The following VGLL4 variants were observed in gnomAD, a reference collection of about 807,000 sequenced individuals.
The protein encoded by VGLL4 is vestigial like family member 4, also known as transcription cofactor vestigial-like protein 4.
A neutral mutation model predicts 21.0 loss-of-function variants in VGLL4; 7 were observed. The observed-to-expected ratio is 0.33, with a 90% CI of 0.19 to 0.63. The LOEUF is 0.63. Among genes scored for constraint, VGLL4 ranks in the 20% least tolerant of loss-of-function variants. The probability of loss-of-function intolerance (pLI) is 0.78; values close to 1 mark genes in which losing one functional copy is unlikely to be tolerated. For synonymous variants in VGLL4, 222 were observed against 173.2 expected (o/e 1.28, Z -2.21); for missense variants, 394 against 425.7 (o/e 0.93, Z 0.66).
chr3:11,626,534 G>A (rs2075355167), intron 1 of VGLL4: 1 of 421,262 alleles, frequency 2.4e-6, no homozygotes, highest in Middle Eastern at 4.0e-4. Context: ...AGTAATATTT[G>A]AAGGTACCAT....
At position 11,556,689 on chromosome 3, in the gene VGLL4, A is replaced by G. The variant is rs2072450766; in HGVS notation, c.*1867T>C. 1 of 152,798 alleles carries G rather than the reference A, an allele frequency of 6.5e-6. No homozygotes were observed. The highest frequency in any genetic ancestry group is 1.5e-5 in the Non-Finnish European group (1 of 68,054). 9.5% of individuals were successfully genotyped at this position (152,798 alleles called of 1,614,324 possible). ...AAAAATTAAATAGCTACATATCATT[A>G]ACAAATTAATGTTCTTCAAAAAATA... On this transcript the variant is annotated 3_prime_UTR_variant, in exon 5 of 5. Transcript: ENST00000430365.
chr3:11,593,141 G>T (rs2074541548), intron 2 of VGLL4, among the ~76,000 whole-genome samples: 1 of 152,184 alleles, frequency 6.6e-6, no homozygotes, highest in Non-Finnish European at 1.5e-5. Context: ...CTTTTAACCT[G>T]AAATGAGGAA....
At chr3:11,623,897 C>T (rs183886928) in intron 1 of VGLL4, among the ~76,000 whole-genome samples, 6 of 152,050 alleles carry the variant, frequency 3.9e-5, no homozygotes, top group Admixed American at 2.0e-4. Context: ...CCCTCCACCA[C>T]GCTTGGTTAA....
intron 1 of VGLL4, chr3:11,720,260 C>G (rs1249242033): frequency 3.3e-5 from 5 of 151,714 alleles, no homozygotes; most frequent in Non-Finnish European, 2.9e-5. Flanking sequence ...CACCCGCCCG[C>G]GCCGGTTCGC....
At chr3:11,669,377 G>A (rs904532975) in intron 2 of VGLL4, among the ~76,000 whole-genome samples, 8 of 151,898 alleles carry the variant, frequency 5.3e-5, no homozygotes, top group African/African-American at 4.8e-5. Context: ...GTAAGACCCC[G>A]CCTCTAAAAA....
At chr3:11,610,084 CTGA>C (rs1347754592) in intron 1 of VGLL4, among the ~76,000 whole-genome samples, 2 of 152,180 alleles carry the variant, frequency 1.3e-5, no homozygotes, top group Non-Finnish European at 2.9e-5. Flanking sequence ...CCGCGCTGCA[CTGA>C]TGTGTCTCCT....
chr3:11,628,948 T>G (rs1208004723), intron 1 of VGLL4, among the ~76,000 whole-genome samples: 1 of 152,200 alleles, frequency 6.6e-6, no homozygotes, highest in African/African-American at 2.4e-5. Context: ...TGCAGTAAAA[T>G]AGGCACTTCC....
At chr3:11,703,040 G>A (rs1283696203) in exon 2 of VGLL4, 12 of 1,608,054 alleles carry the variant, frequency 7.5e-6, no homozygotes, top group Non-Finnish European at 9.3e-6. Flanking sequence ...TCCATTCCTG[G>A]TTGGAGCCTA....
At chr3:11,564,024 G>A (rs568755812) in intron 3 of VGLL4, among the ~76,000 whole-genome samples, 1 of 152,248 alleles carries the variant, frequency 6.6e-6, no homozygotes, top group African/African-American at 2.4e-5. Context: ...GCACCCCCTC[G>A]GGGCACGGCA....
chr3:11,561,998 C>T (rs2073062966), intron 3 of VGLL4, among the ~76,000 whole-genome samples: 1 of 149,026 alleles, frequency 6.7e-6, no homozygotes, highest in Non-Finnish European at 1.5e-5. Context: ...CTTCCGGGTT[C>T]AAGCGATTCT....
At chr3:11,588,423 C>T (rs1054049640) in intron 2 of VGLL4, among the ~76,000 whole-genome samples, 21 of 152,214 alleles carry the variant, frequency 1.4e-4, no homozygotes, top group Non-Finnish European at 2.9e-5. Flanking sequence ...TGTGCAGGCC[C>T]CCAGTTGGGC....
chr3:11,665,868 C>G (rs1260790804), intron 2 of VGLL4, among the ~76,000 whole-genome samples: 2 of 152,150 alleles, frequency 1.3e-5, no homozygotes, highest in Non-Finnish European at 2.9e-5. Context: ...AAGCAAGGCA[C>G]AGGTAGGGGC....
At chr3:11,582,138 G>A in intron 2 of VGLL4, 1 of 919,474 alleles carries the variant, frequency 1.1e-6, no homozygotes, top group South Asian at 1.5e-5. Flanking sequence ...GAAAATCACT[G>A]CTGTCCCTTC....
intron 1 of VGLL4, among the ~76,000 whole-genome samples, chr3:11,635,190 T>C (rs571106663): frequency 6.6e-6 from 1 of 152,104 alleles, no homozygotes; most frequent in Admixed American, 6.5e-5. Flanking sequence ...GGAGTAGAGG[T>C]GAGCTGGCCT....
At chr3:11,675,062 C>T (rs1323782570) in intron 2 of VGLL4, among the ~76,000 whole-genome samples, 1 of 152,254 alleles carries the variant, frequency 6.6e-6, no homozygotes, top group Non-Finnish European at 1.5e-5. Flanking sequence ...GCAACATAGG[C>T]TGGGCGCAGT....
rs2072400305 is a variant in VGLL4, at chr3:11,556,285, T to C, written c.*2271A>G. On this transcript the variant is annotated 3_prime_UTR_variant, in exon 5 of 5. Transcript: ENST00000430365. ...CCCCTTCTTAGAGCAGGGAGGGGGC[T>C]TTCTCAGTGAAATGTTTGGTTTTCT... 1 of 152,626 alleles carries C rather than the reference T, an allele frequency of 6.6e-6. No individual in the cohort carries two copies. Among genetic ancestry groups the C allele is most frequent in the South Asian group, 2.1e-4 (1 of 4,814 alleles). The allele number at this position is 152,626 out of a possible 1,614,324, so 9.5% of individuals were successfully genotyped here.
At chr3:11,599,912 T>C (rs1409831952) in intron 2 of VGLL4, among the ~76,000 whole-genome samples, 4 of 152,100 alleles carry the variant, frequency 2.6e-5, no homozygotes, top group Non-Finnish European at 4.4e-5. Context: ...GCACCATTCT[T>C]AAGTCCTTAC....
chr3:11,648,046 T>C (rs2075818539), upstream of VGLL4, among the ~76,000 whole-genome samples: 1 of 151,850 alleles, frequency 6.6e-6, no homozygotes, highest in South Asian at 2.1e-4. Context: ...CATAGGATAA[T>C]ATATTCATAA....
At chr3:11,562,563 G>C (rs2073117481) in intron 3 of VGLL4, among the ~76,000 whole-genome samples, 1 of 152,226 alleles carries the variant, frequency 6.6e-6, no homozygotes, top group Non-Finnish European at 1.5e-5. Flanking sequence ...AGACCTCGGA[G>C]CTGCTGGAGC....
Sources: allele counts gnomAD v4.1 joint callset (sites outside exome capture counted in the v4.1 genomes callset), GRCh38; gene constraint gnomAD v4.1.1; transcripts MANE v1.5; gene names NCBI Gene and HGNC (gene_info 2026-07-23, HGNC 2026-07-21).